The following GRIK2 variants were observed in gnomAD, a reference collection of about 807,000 sequenced individuals.
GRIK2 encodes glutamate receptor ionotropic, kainate 2.
In GRIK2, 32 loss-of-function variants were observed where a neutral mutation model predicts 100.3. The ratio of observed to expected loss-of-function variants is 0.32; its 90% CI spans 0.24 to 0.43. The LOEUF (loss-of-function observed/expected upper bound fraction) is 0.43. Ranked by LOEUF, GRIK2 falls within the 20% of genes least tolerant of loss-of-function variation. The pLI is 1.00. For synonymous variants in GRIK2, 417 were observed against 389.4 expected, an observed-to-expected ratio of 1.07 and a Z score of -0.83; for missense variants, 843 against 1,114.9, an observed-to-expected ratio of 0.76 and a Z score of 3.47.
intron 9 of GRIK2, among the ~76,000 whole-genome samples, chr6:101,812,050 G>GA (rs1212152149): frequency 6.6e-6 from 1 of 150,934 alleles, no homozygotes; most frequent in South Asian, 2.1e-4. Context: ...ATATAATTAG[G>GA]AAAAAATGGA....
rs11752789 is a variant in GRIK2 at position 101,475,803 on chromosome 6, G to A, written c.115+76411G>A. Among the ~76,000 whole-genome samples, 394 of 152,140 alleles carry A rather than the reference G, an allele frequency of 2.6e-3. 1 individual carries two copies. The highest frequency in any genetic ancestry group is 4.4e-3 in the Non-Finnish European group (299 of 67,894). ...AAAAAGGCGATATTTGTGTGGCTGA[G>A]TGGAATGTAAGAAGATATATCACTG... is the stretch of plus-strand genomic sequence containing the variant. On this transcript the variant is annotated intron_variant, in intron 2 of 16. Coordinates refer to ENST00000369134, the MANE Select transcript of GRIK2 (RefSeq NM_021956.5).
At chr6:101,787,414 A>G (rs1446349550) in intron 7 of GRIK2, among the ~76,000 whole-genome samples, 2 of 151,354 alleles carry the variant, frequency 1.3e-5, no homozygotes, top group African/African-American at 4.9e-5. Flanking sequence ...AAATCTTTAT[A>G]TTTTCTTGAT....
At chr6:101,997,722 T>G (rs943236062) in intron 14 of GRIK2, among the ~76,000 whole-genome samples, 11 of 152,000 alleles carry the variant, frequency 7.2e-5, no homozygotes, top group African/African-American at 2.7e-4. Context: ...CATTGATCTG[T>G]TTTCCAAAGT....
At chr6:101,975,233 A>G (rs939433385) in intron 14 of GRIK2, among the ~76,000 whole-genome samples, 1 of 151,946 alleles carries the variant, frequency 6.6e-6, no homozygotes, top group African/African-American at 2.4e-5. Flanking sequence ...GAATATAAGA[A>G]TATGGGCCTA....
chr6:101,507,259 A>G (rs1278228973), intron 2 of GRIK2, among the ~76,000 whole-genome samples: 2 of 152,166 alleles, frequency 1.3e-5, no homozygotes, highest in African/African-American at 2.4e-5. Flanking sequence ...AATTTAGAGC[A>G]CTTGATTTTA....
At chr6:101,702,272 A>T (rs746513912) in intron 7 of GRIK2, among the ~76,000 whole-genome samples, 2 of 152,012 alleles carry the variant, frequency 1.3e-5, no homozygotes, top group African/African-American at 2.4e-5. Context: ...TGGATAATCC[A>T]TTATGTTTGG....
rs78293865 is a variant in GRIK2, at chr6:101,737,697, C to A, written c.951+51344C>A. 2.3e-3 allele frequency among the ~76,000 whole-genome samples: 356 copies of A among 152,248 alleles called. 11 individuals are homozygous for A. In the East Asian group the frequency reaches 0.064, roughly 27 times the overall value. ...TATCATGGTGAAAAATGTAATGAAA[C>A]CATGACTACATTTGATCTTTAGGTT... On this transcript the variant is annotated intron_variant, in intron 7 of 16. Transcript: ENST00000369134.
At chr6:101,789,361 C>A (rs1158202180) in intron 7 of GRIK2, among the ~76,000 whole-genome samples, 1 of 152,122 alleles carries the variant, frequency 6.6e-6, no homozygotes, top group Non-Finnish European at 1.5e-5. Flanking sequence ...AGTCTTTAAT[C>A]CATCTTGAAT....
intron 15 of GRIK2, among the ~76,000 whole-genome samples, chr6:102,039,105 T>C (rs1373845061): frequency 2.6e-5 from 4 of 151,462 alleles, no homozygotes; most frequent in East Asian, 1.9e-4. Context: ...CTCCTTCTAA[T>C]TGATTCATTT....
At position 102,066,089 on chromosome 6, in the gene GRIK2, A is replaced by T. The variant is rs114078653; in HGVS notation, c.2563-2258A>T. Among the ~76,000 whole-genome samples the T allele has an allele frequency of 2.6e-3, 391 of 151,602 alleles. 1 individual carries two copies. The highest frequency in any genetic ancestry group is 8.9e-3 in the African/African-American group (369 of 41,454). On this transcript the variant is annotated intron_variant, in intron 16 of 16. Coordinates refer to ENST00000369134, the MANE Select transcript of GRIK2 (RefSeq NM_021956.5). ...CTCTGTAGTTAATGGGGAATTCACA[A>T]GTCACATTTAATCATCACCCATTAC... is the stretch of plus-strand genomic sequence containing the variant.
At chr6:101,597,710 C>A (rs1380131144) in intron 2 of GRIK2, among the ~76,000 whole-genome samples, 1 of 151,722 alleles carries the variant, frequency 6.6e-6, no homozygotes, top group African/African-American at 2.4e-5. Context: ...CTGCAGCATT[C>A]CTGTGCATAC....
chr6:101,886,112 C>G (rs1428483271), intron 11 of GRIK2, among the ~76,000 whole-genome samples: 4 of 152,138 alleles, frequency 2.6e-5, no homozygotes, highest in Non-Finnish European at 5.9e-5. Flanking sequence ...TGATCTTTTA[C>G]TGTCTCTATA....
chr6:102,010,397 C>A (rs1795466811), intron 14 of GRIK2, among the ~76,000 whole-genome samples: 1 of 141,098 alleles, frequency 7.1e-6, no homozygotes, highest in South Asian at 2.4e-4. Flanking sequence ...TTTTTCTTTT[C>A]TTTTGAGACA....
At chr6:102,051,684 G>A (rs1771204875) in intron 15 of GRIK2, among the ~76,000 whole-genome samples, 1 of 152,082 alleles carries the variant, frequency 6.6e-6, no homozygotes, top group East Asian at 1.9e-4. Context: ...TGCAACTGAA[G>A]GCCGTCTATT....
chr6:101,527,470 A>T (rs552340788), intron 2 of GRIK2, among the ~76,000 whole-genome samples: 1 of 152,324 alleles, frequency 6.6e-6, no homozygotes, highest in Non-Finnish European at 1.5e-5. Flanking sequence ...CAGATATATT[A>T]TGATCATGAG....
intron 10 of GRIK2, among the ~76,000 whole-genome samples, chr6:101,839,081 C>T (rs559523062): frequency 6.6e-6 from 1 of 152,100 alleles, no homozygotes; most frequent in South Asian, 2.1e-4. Flanking sequence ...TACAAGAATG[C>T]CTACAACTTA....
chr6:101,655,697 T>C (rs777271198), intron 4 of GRIK2, among the ~76,000 whole-genome samples: 1 of 152,174 alleles, frequency 6.6e-6, no homozygotes, highest in African/African-American at 2.4e-5. Flanking sequence ...ACCATAGACA[T>C]GTACTTAGGG....
intron 3 of GRIK2, 91 bp from the exon 4 acceptor site, chr6:101,626,289 G>T: frequency 8.9e-7 from 1 of 1,128,320 alleles, no homozygotes; most frequent in South Asian, 1.6e-5. Flanking sequence ...TCTTGAGAAT[G>T]ATACCTTTGG....
chr6:102,005,742 C>CAAGT (rs1795183985), intron 14 of GRIK2, among the ~76,000 whole-genome samples: 1 of 151,898 alleles, frequency 6.6e-6, no homozygotes. Flanking sequence ...ATTTCTTATC[C>CAAGT]AAGTGTATTA....
Sources: allele counts gnomAD v4.1 joint callset (sites outside exome capture counted in the v4.1 genomes callset), GRCh38; gene constraint gnomAD v4.1.1; transcripts MANE v1.5; gene names NCBI Gene and HGNC (gene_info 2026-07-23, HGNC 2026-07-21).